The following FOXP2 variants were observed in gnomAD, a reference collection of about 807,000 sequenced individuals.
FOXP2 encodes the protein forkhead box P2, also known as forkhead box protein P2.
Under a neutral mutation model 115.8 loss-of-function variants are expected in FOXP2, and 12 were observed. The ratio of observed to expected loss-of-function variants is 0.10; its 90% CI spans 0.07 to 0.17. FOXP2 has a LOEUF of 0.17. Ranked by LOEUF, FOXP2 falls within the 10% of genes least tolerant of loss-of-function variation. FOXP2 has a pLI of 1.00. For missense variants in FOXP2, 629 were observed against 843.5 expected (o/e 0.75, Z 3.15); for synonymous variants, 328 against 297.7 (o/e 1.10, Z -1.05).
chr7:114,571,169 G>A (rs1247064568), intron 3 of FOXP2, among the ~76,000 whole-genome samples: 4 of 151,852 alleles, frequency 2.6e-5, no homozygotes, highest in Non-Finnish European at 5.9e-5. Flanking sequence ...GAACTTTTAG[G>A]AATAATTTGA....
intron 1 of FOXP2, among the ~76,000 whole-genome samples, chr7:114,259,168 T>C (rs984452256): frequency 6.6e-6 from 1 of 152,140 alleles, no homozygotes; most frequent in Non-Finnish European, 1.5e-5. Flanking sequence ...ACAGTAGAAG[T>C]AGAATAGCTG....
chr7:114,604,074 T>TA (rs1441526957), intron 3 of FOXP2, among the ~76,000 whole-genome samples: 1 of 152,188 alleles, frequency 6.6e-6, no homozygotes, highest in Non-Finnish European at 1.5e-5. Context: ...CAAATTACCA[T>TA]AACGTGAGTG....
At chr7:114,662,362 A>T (rs1806917510) in intron 14 of FOXP2, among the ~76,000 whole-genome samples, 176 bp downstream of exon 14, 1 of 151,960 alleles carries the variant, frequency 6.6e-6, no homozygotes, top group Admixed American at 6.6e-5. Flanking sequence ...TAGCCTATCA[A>T]TTTTTTCCGT....
intron 1 of FOXP2, among the ~76,000 whole-genome samples, chr7:114,142,243 C>T (rs565919822): frequency 3.3e-5 from 5 of 152,160 alleles, no homozygotes; most frequent in Admixed American, 2.0e-4. Flanking sequence ...AGGCTAATCT[C>T]GAACTCCTGA....
chr7:114,130,830 C>T (rs970672550), intron 1 of FOXP2, among the ~76,000 whole-genome samples: 1 of 152,274 alleles, frequency 6.6e-6, no homozygotes, highest in East Asian at 1.9e-4. Flanking sequence ...ATTTCATTTT[C>T]ATTTAATTTT....
chr7:114,249,575 T>C (rs573844280), intron 1 of FOXP2, among the ~76,000 whole-genome samples: 2 of 152,206 alleles, frequency 1.3e-5, no homozygotes, highest in Admixed American at 1.3e-4. Flanking sequence ...TAGTATTCCA[T>C]TGTGTGTATG....
At chr7:114,306,215 T>G (rs888106473) in intron 2 of FOXP2, among the ~76,000 whole-genome samples, 3 of 152,140 alleles carry the variant, frequency 2.0e-5, no homozygotes, top group African/African-American at 7.2e-5. Flanking sequence ...TTTTGTGGAT[T>G]CTAGCAGAAG....
intron 1 of FOXP2, among the ~76,000 whole-genome samples, chr7:114,236,296 C>A (rs1795006072): frequency 6.6e-6 from 1 of 152,066 alleles, no homozygotes; most frequent in Non-Finnish European, 1.5e-5. Context: ...TGGAAAAAAT[C>A]TGTAGTAATT....
At chr7:114,453,863 C>A (rs1046881096) in intron 2 of FOXP2, among the ~76,000 whole-genome samples, 4 of 151,952 alleles carry the variant, frequency 2.6e-5, no homozygotes, top group Admixed American at 6.6e-5. Context: ...ATACAAAAAT[C>A]AATTCAAGAT....
At chr7:114,108,461 C>T (rs1357300534) in intron 1 of FOXP2, among the ~76,000 whole-genome samples, 1 of 151,686 alleles carries the variant, frequency 6.6e-6, no homozygotes, top group African/African-American at 2.4e-5. Context: ...ATGATTTCTT[C>T]AAAGTTTTAA....
intron 1 of FOXP2, among the ~76,000 whole-genome samples, chr7:114,197,347 C>T (rs1793940034): frequency 6.6e-6 from 1 of 152,166 alleles, no homozygotes; most frequent in Non-Finnish European, 1.5e-5. Flanking sequence ...GGCTGGAAGG[C>T]TAAGCTCAGG....
chr7:114,109,776 G>A (rs890932807), intron 1 of FOXP2, among the ~76,000 whole-genome samples: 2 of 151,982 alleles, frequency 1.3e-5, no homozygotes, highest in African/African-American at 2.4e-5. Flanking sequence ...GTTGTTAAAT[G>A]ATAAATATCT....
intron 2 of FOXP2, among the ~76,000 whole-genome samples, chr7:114,480,257 C>T (rs1349263807): frequency 6.6e-6 from 1 of 151,134 alleles, no homozygotes; most frequent in African/African-American, 2.4e-5. Context: ...CTTCTTTCCC[C>T]TGTCCCCCTC....
chr7:114,208,932 T>C (rs1794272278), intron 1 of FOXP2, among the ~76,000 whole-genome samples: 1 of 152,034 alleles, frequency 6.6e-6, no homozygotes, highest in Non-Finnish European at 1.5e-5. Context: ...ATCAGTAGTG[T>C]GAAAACAGAC....
chr7:114,257,364 C>T (rs770228385), intron 1 of FOXP2, among the ~76,000 whole-genome samples: 3 of 151,872 alleles, frequency 2.0e-5, no homozygotes, highest in African/African-American at 7.3e-5. Flanking sequence ...TAGGCAATAC[C>T]ATTTAGGACA....
In FOXP2 at chr7:114,689,750, G is replaced by T. The variant is rs751328410; in HGVS notation, c.2004-32G>T. On this transcript the variant is annotated intron_variant, in intron 16 of 16. Transcript: ENST00000350908. Reference sequence around the variant, plus strand: ...CCAAACTCTGTTTGTTGCTTACTTAGTAAAATTTTGGTGTATCTACATGTT... The same window carrying T: ...CCAAACTCTGTTTGTTGCTTACTTATTAAAATTTTGGTGTATCTACATGTT... The T allele has an allele frequency of 2.5e-6, 4 of 1,612,180 alleles. No individual in the cohort carries two copies. In the East Asian group the frequency reaches 6.7e-5, roughly 27 times the overall value.
At chr7:114,661,043 C>G (rs890698589) in intron 13 of FOXP2, among the ~76,000 whole-genome samples, 5 of 135,772 alleles carry the variant, frequency 3.7e-5, no homozygotes, top group African/African-American at 1.4e-4. Context: ...GATGCTAGAT[C>G]TGCTTATGCT....
At chr7:114,601,563 A>C (rs557863394) in intron 3 of FOXP2, among the ~76,000 whole-genome samples, 6 of 152,200 alleles carry the variant, frequency 3.9e-5, no homozygotes, top group African/African-American at 1.4e-4. Flanking sequence ...AAACCTATTA[A>C]GGTAGATTCA....
At chr7:114,366,435 G>A (rs747704690) in intron 2 of FOXP2, 4 of 152,054 alleles carry the variant, frequency 2.6e-5, no homozygotes, top group East Asian at 3.8e-4. Flanking sequence ...CACAGTTCAC[G>A]TAAACCTAAC....
Sources: allele counts gnomAD v4.1 joint callset (sites outside exome capture counted in the v4.1 genomes callset), GRCh38; gene constraint gnomAD v4.1.1; transcripts MANE v1.5; gene names NCBI Gene and HGNC (gene_info 2026-07-23, HGNC 2026-07-21).